Variants in STARD7 observed in about 807,000 individuals in gnomAD.
The protein encoded by STARD7 is StAR related lipid transfer domain containing 7.
Under a neutral mutation model 45.3 loss-of-function variants are expected in STARD7, and 30 were observed. The observed-to-expected ratio is 0.66, with a 90% CI of 0.50 to 0.90. The LOEUF is 0.90. STARD7 is among the 40% of genes least tolerant of loss of function. STARD7 has a pLI of 0.00. For missense variants in STARD7, 495 were observed against 491.3 expected (o/e 1.01, Z -0.07); for synonymous variants, 199 against 183.0 (o/e 1.09, Z -0.70).
chr2:96,186,962 A>G, intron 7 of STARD7, 48 bp from the exon 8 acceptor site: 1 of 1,540,380 alleles, frequency 6.5e-7, no homozygotes, highest in Non-Finnish European at 8.8e-7. Context: ...AACCAACAGT[A>G]GGCTCAAAAT....
chr2:96,189,480 G>A (rs905038124), intron 6 of STARD7, among the ~76,000 whole-genome samples: 18 of 152,182 alleles, frequency 1.2e-4, no homozygotes, highest in African/African-American at 2.9e-4. Context: ...CGAGGCGGGC[G>A]GATCACTTGA....
rs375772351 is a variant in STARD7 at position 96,190,593 on chromosome 2, C to T, written c.843+1776G>A. ...CCTCAAGTTATCTACATGCCTCGGC[C>T]TCCCAAAGTGCTGGGATTACAGGCG... On this transcript the variant is annotated intron_variant, in intron 6 of 7. Coordinates refer to ENST00000337288, the MANE Select transcript of STARD7 (RefSeq NM_020151.4). Among the ~76,000 whole-genome samples the T allele has an allele frequency of 7.2e-5, 11 of 152,184 alleles. No individual in the cohort carries two copies. In the East Asian group the frequency reaches 1.2e-3, roughly 16 times the overall value.
intron 1 of STARD7, among the ~76,000 whole-genome samples, chr2:96,198,320 CAAA>C (rs199740020): frequency 2.6e-5 from 3 of 113,410 alleles, no homozygotes; most frequent in Non-Finnish European, 1.9e-5. Context: ...AAAACTGTCT[CAAA>C]AAAAAAAAAA....
At chr2:96,192,338 C>T in intron 6 of STARD7, 31 bp downstream of exon 6, 1 of 1,494,454 alleles carries the variant, frequency 6.7e-7, no homozygotes. Context: ...ACAGCCATGA[C>T]ATGTTATCTC....
At position 96,195,537 on chromosome 2, in the gene STARD7, C is replaced by G; in HGVS notation, c.303G>C (p.Glu101Asp). ...TTGACATTTCTTCCAACCGCTTCAT[C>G]TCATTAATAGATCTGTAAAGGGGAA... Reference protein sequence around the residue: ...QEEELQRSINEMKRLEEMSNM... With the variant: ...QEEELQRSINDMKRLEEMSNM... The change falls in exon 2 of 8, where the codon GAG becomes GAC. Residue 101 changes from glutamate (E) to aspartate (D), a missense_variant. By Grantham distance (45) the Glu-to-Asp change is conservative. Coordinates refer to ENST00000337288, the MANE Select transcript of STARD7 (RefSeq NM_020151.4). The G allele has an allele frequency of 1.9e-6, 3 of 1,613,034 alleles. No homozygotes were observed. The highest frequency in any genetic ancestry group is 2.5e-6 in the Non-Finnish European group (3 of 1,179,436).
At chr2:96,202,513 A>AG (rs11452850) in intron 1 of STARD7, among the ~76,000 whole-genome samples, 21,883 of 152,272 alleles carry the variant, frequency 0.14, 1,804 homozygotes, top group South Asian at 0.27. Context: ...GTTGCAGAAG[A>AG]AGAGCAAAAG....
intron 6 of STARD7, chr2:96,188,107 C>G (rs556191592): frequency 1.3e-5 from 2 of 152,024 alleles, no homozygotes; most frequent in South Asian, 4.2e-4. Flanking sequence ...GAAATCCCAT[C>G]TCTACTGAAA....
chr2:96,203,915 C>G (rs1490658187), intron 1 of STARD7, among the ~76,000 whole-genome samples: 1 of 151,818 alleles, frequency 6.6e-6, no homozygotes, highest in Non-Finnish European at 1.5e-5. Context: ...TCAGTAAGCC[C>G]AGATCACACC....
intron 3 of STARD7, 80 bp downstream of exon 3, chr2:96,194,878 G>A (rs567911102): frequency 2.5e-6 from 3 of 1,208,480 alleles, no homozygotes; most frequent in Middle Eastern, 3.8e-4. Flanking sequence ...AATGTCACCT[G>A]AGTCAGATAA....
intron 5 of STARD7, 47 bp from the exon 6 acceptor site, chr2:96,192,515 T>C: frequency 7.0e-7 from 1 of 1,438,446 alleles, no homozygotes; most frequent in East Asian, 2.3e-5. Flanking sequence ...TGTCTATATA[T>C]AAAACAACAG....
chr2:96,192,416 A>T lies in STARD7; in HGVS notation c.796T>A (p.Ser266Thr), dbSNP rs1216266195. Residue 266 changes from serine (S) to threonine (T), a missense_variant, in exon 6 of 8, where the codon TCA becomes ACA. By Grantham distance (58) the Ser-to-Thr change is moderately conservative (BLOSUM62 1). Coordinates refer to ENST00000337288, the MANE Select transcript of STARD7 (RefSeq NM_020151.4). ...CGGATAACCATTTGGGATTCATATG[A>T]TCTGACCCTGACGAATTCTGGAGAC... ...PESPEFVRVR[S>T]YESQMVIRPH... 1 of 1,613,922 alleles carries T rather than the reference A, an allele frequency of 6.2e-7. No individual in the cohort carries two copies. The highest frequency in any genetic ancestry group is 1.1e-5 in the South Asian group (1 of 91,088).
chr2:96,187,208 C>T lies in STARD7; in HGVS notation c.928+9G>A. On this transcript the variant is annotated intron_variant, in intron 7 of 7. Coordinates refer to ENST00000337288, the MANE Select transcript of STARD7 (RefSeq NM_020151.4). ...AGGTTCCAGGCCCTGTATACTTGCC[C>T]TTACTTACCACTGGAAACCATCCAA... The T allele has an allele frequency of 1.2e-6, 2 of 1,607,700 alleles. No homozygotes were observed. The highest frequency in any genetic ancestry group is 1.7e-6 in the Non-Finnish European group (2 of 1,174,330).
chr2:96,208,276 T>C lies in STARD7; in HGVS notation c.159A>G (p.Ser53=), dbSNP rs544766041. ...QLYGRLYSES[S]RRVLLGRLWR... is the part of the protein sequence containing the mutation. ...AGAGGCGGCCGAGGAGAACGCGGCGTGAGCTCTCGGAGTAGAGGCGGCCGT... is the reference window on the plus strand; with the variant it reads ...AGAGGCGGCCGAGGAGAACGCGGCGCGAGCTCTCGGAGTAGAGGCGGCCGT... Residue 53 remains serine (S), a synonymous_variant, in exon 1 of 8, where the codon TCA becomes TCG. Transcript: ENST00000337288. The C allele has an allele frequency of 1.9e-5, 31 of 1,611,436 alleles. 1 individual carries two copies. In the South Asian group the frequency reaches 2.8e-4, roughly 14 times the overall value.
chr2:96,192,881 T>G (rs938570339), intron 5 of STARD7, among the ~76,000 whole-genome samples, 197 bp downstream of exon 5: 1 of 151,982 alleles, frequency 6.6e-6, no homozygotes, highest in East Asian at 1.9e-4. Flanking sequence ...AAAAAAACAG[T>G]TTAACTAAAA....
At position 96,186,893 on chromosome 2, in the gene STARD7, T is replaced by G. The variant is rs766449072; in HGVS notation, c.950A>C (p.Lys317Thr). The G allele has an allele frequency of 6.2e-7, 1 of 1,613,166 alleles. No homozygotes were observed. The highest frequency in any genetic ancestry group is 2.2e-5 in the East Asian group (1 of 44,878). Residue 317 changes from lysine (K) to threonine (T), a missense_variant, in exon 8 of 8, where the codon AAG becomes ACG. Around this residue, in one of 2 missense-constraint regions of STARD7, gnomAD observed 213 missense variants for 271.2 expected, o/e 0.79. Transcript: ENST00000337288. ...GGCTTTCAGAGTGGCCATGTGCAGCTTCTCCAGGAAATCTGGCATGCCTGT... is the reference window on the plus strand; with the variant it reads ...GGCTTTCAGAGTGGCCATGTGCAGCGTCTCCAGGAAATCTGGCATGCCTGT... Reference protein sequence around the residue: ...VSSGMPDFLEKLHMATLKAKN... With the variant: ...VSSGMPDFLETLHMATLKAKN...
chr2:96,188,351 C>A (rs866379761), intron 6 of STARD7, among the ~76,000 whole-genome samples: 21 of 141,926 alleles, frequency 1.5e-4, no homozygotes, highest in Middle Eastern at 3.9e-3. Context: ...TCTCGGCTCA[C>A]CACAACCTCC....
chr2:96,201,209 A>G (rs778707103), intron 1 of STARD7, among the ~76,000 whole-genome samples: 4 of 152,138 alleles, frequency 2.6e-5, no homozygotes, highest in Non-Finnish European at 4.4e-5. Flanking sequence ...TACATACATT[A>G]CATGAATAAA....
Position 96,195,454 on chromosome 2 carries a change from T to C in STARD7, c.386A>G (p.Glu129Gly). 1 of 1,613,714 alleles carries C rather than the reference T, an allele frequency of 6.2e-7. No homozygotes were observed. The highest frequency in any genetic ancestry group is 8.5e-7 in the Non-Finnish European group (1 of 1,179,794). ...HHPPEPKAQT[E>G]GNEDSEGKEQ... ...TTTGCCCTCTGAATCTTCATTCCCT[T>C]CTGTTTGGGCTTTTGGTTCTGGAGG... The change falls in exon 2 of 8, where the codon GAA (glutamate) becomes GGA (glycine). Residue 129 changes from glutamate (E) to glycine (G), a missense_variant. This residue lies in a region of STARD7 where 282 missense variants were observed against 220.1 expected (regional missense o/e 1.28). Coordinates refer to ENST00000337288, the MANE Select transcript of STARD7 (RefSeq NM_020151.4).
intron 1 of STARD7, among the ~76,000 whole-genome samples, chr2:96,206,835 G>A (rs1440793072): frequency 6.7e-6 from 1 of 150,198 alleles, no homozygotes; most frequent in Non-Finnish European, 1.5e-5. Context: ...GTGGAACACG[G>A]ACATTTCATC....
Sources: allele counts gnomAD v4.1 joint callset (sites outside exome capture counted in the v4.1 genomes callset), GRCh38; gene constraint gnomAD v4.1.1; regional missense constraint gnomAD v4.1.1; transcripts MANE v1.5; gene names NCBI Gene and HGNC (gene_info 2026-07-23, HGNC 2026-07-21).